Variants in CTDP1 observed in about 807,000 individuals in gnomAD.
CTDP1 encodes RNA polymerase II subunit A C-terminal domain phosphatase.
Under a neutral mutation model 91.8 loss-of-function variants are expected in CTDP1, and 47 were observed. That is an observed-to-expected ratio of 0.51 (90% CI 0.41 to 0.65). The LOEUF is 0.65. Ranked by LOEUF, CTDP1 falls within the 30% of genes least tolerant of loss-of-function variation. The probability of loss-of-function intolerance (pLI) is 0.00; values close to 1 mark genes in which losing one functional copy is unlikely to be tolerated. For missense variants in CTDP1, 1,272 were observed against 1,373.7 expected, an observed-to-expected ratio of 0.93 and a Z score of 1.17; for synonymous variants, 656 against 598.5, an observed-to-expected ratio of 1.10 and a Z score of -1.40.
Position 79,749,080 on chromosome 18 carries a change from C to T in CTDP1, c.2748-4572C>T, listed in dbSNP as rs995252059. The stretch of plus-strand genomic sequence containing the variant: ...TCAACAGCACTCTGGGTGTTTTTGT[C>T]GGCCTTGTGAGGGGAACATATTTCT... On this transcript the variant is annotated intron_variant, in intron 12 of 12. Transcript: ENST00000613122. Among the ~76,000 whole-genome samples, 4 of 152,330 alleles carry T rather than the reference C, an allele frequency of 2.6e-5. No individual in the cohort carries two copies. In the South Asian group the frequency reaches 6.2e-4, roughly 24 times the overall value.
At chr18:79,694,218 A>G (rs1305069727) in intron 1 of CTDP1, among the ~76,000 whole-genome samples, 1,598 of 123,116 alleles carry the variant, frequency 0.013, 43 homozygotes, top group African/African-American at 0.05. Flanking sequence ...TCTGCAGGGC[A>G]GGGTGGTCGG....
At chr18:79,727,360 CGTG>C (rs2086470734) in intron 10 of CTDP1, among the ~76,000 whole-genome samples, 3 of 152,170 alleles carry the variant, frequency 2.0e-5, no homozygotes, top group South Asian at 4.1e-4. Context: ...GGATGGGAAG[CGTG>C]GCGTTCACGG....
At position 79,680,169 on chromosome 18, in the gene CTDP1, G is replaced by A; in HGVS notation, c.222G>A (p.Val74=). 1 of 1,385,648 alleles carries A rather than the reference G, an allele frequency of 7.2e-7. No homozygotes were observed. The highest frequency in any genetic ancestry group is 9.3e-7 in the Non-Finnish European group (1 of 1,075,844). The allele number at this position is 1,385,648 out of a possible 1,614,324, so 85.8% of individuals were successfully genotyped here. Residue 74 remains valine (V), a synonymous_variant, in exon 1 of 13, where the codon GTG becomes GTA. Coordinates refer to ENST00000613122, the MANE Select transcript of CTDP1 (RefSeq NM_004715.5). ...SQSRVASGGC[V]RPARPERRLR... ...CCCGTGTAGCCTCCGGGGGCTGCGT[G>A]CGCCCCGCGCGGCCGGAACGCAGGC...
Position 79,713,383 on chromosome 18 carries a change from G to A in CTDP1, c.1030+245G>A, listed in dbSNP as rs963407811. Among the ~76,000 whole-genome samples the A allele has an allele frequency of 3.3e-5, 5 of 152,200 alleles. No homozygotes were observed. Among genetic ancestry groups the A allele is most frequent in the Admixed American group, 1.3e-4 (2 of 15,292 alleles). ...TTTCCCAGTTGAATAAAAACTAGAGGATGCTGTTTAACCTAACACATCCGA... is the reference window on the plus strand; with the variant it reads ...TTTCCCAGTTGAATAAAAACTAGAGAATGCTGTTTAACCTAACACATCCGA... On this transcript the variant is annotated intron_variant, in intron 7 of 12. Transcript: ENST00000613122. The surrounding 1 kb of genome is among the most constrained non-coding windows in gnomAD (Gnocchi z 4.7).
chr18:79,717,786 GC>G, intron 9 of CTDP1, 23 bp from the exon 10 acceptor site: 1 of 1,613,710 alleles, frequency 6.2e-7, no homozygotes, highest in African/African-American at 1.3e-5. Flanking sequence ...CCCGCTCATG[GC>G]CCTCGTTCTC....
At chr18:79,684,323 CAAAG>C (rs2085439356) in intron 1 of CTDP1, among the ~76,000 whole-genome samples, 2 of 152,208 alleles carry the variant, frequency 1.3e-5, no homozygotes, top group African/African-American at 4.8e-5. Flanking sequence ...GGAATTTTAA[CAAAG>C]AAAGAAGAAT....
At chr18:79,684,157 C>G (rs149069584) in intron 1 of CTDP1, among the ~76,000 whole-genome samples, 2 of 152,332 alleles carry the variant, frequency 1.3e-5, no homozygotes, top group Non-Finnish European at 2.9e-5. Flanking sequence ...GGCTGCTTGA[C>G]AGTAACTTGT....
chr18:79,750,210 T>A (rs1277729022), intron 12 of CTDP1, among the ~76,000 whole-genome samples: 1 of 151,828 alleles, frequency 6.6e-6, no homozygotes, highest in Non-Finnish European at 1.5e-5. Context: ...GACAGGGTCT[T>A]GCTCTGTCGC....
intron 1 of CTDP1, among the ~76,000 whole-genome samples, chr18:79,682,669 G>A (rs868128707): frequency 1.3e-5 from 2 of 152,210 alleles, no homozygotes; most frequent in Admixed American, 6.5e-5. Flanking sequence ...TTTATACAGA[G>A]CGCTGACTTT....
chr18:79,743,846 G>A (rs907235275), intron 12 of CTDP1, among the ~76,000 whole-genome samples: 1 of 152,202 alleles, frequency 6.6e-6, no homozygotes, highest in Middle Eastern at 3.2e-3. Context: ...GTGAAAGGAG[G>A]ATAAACCTTG....
intron 10 of CTDP1, among the ~76,000 whole-genome samples, chr18:79,727,841 C>T (rs1178271896): frequency 6.6e-6 from 1 of 152,116 alleles, no homozygotes; most frequent in Non-Finnish European, 1.5e-5. Flanking sequence ...GAAACAGCCG[C>T]CTCTCAGGAG....
chr18:79,742,837 A>T (rs943369077), intron 12 of CTDP1, among the ~76,000 whole-genome samples: 17 of 152,186 alleles, frequency 1.1e-4, no homozygotes, highest in African/African-American at 3.6e-4. Context: ...GCACGCCTGT[A>T]ATTTCAGCTA....
At chr18:79,701,819 G>A (rs1470925928) in intron 4 of CTDP1, among the ~76,000 whole-genome samples, 1 of 152,148 alleles carries the variant, frequency 6.6e-6, no homozygotes, top group Non-Finnish European at 1.5e-5. Context: ...CCAGGGCTTC[G>A]AGACCCCAGC....
At chr18:79,710,269 A>G (rs1568190311) in intron 5 of CTDP1, 77 bp from the exon 6 acceptor site, 3 of 1,162,636 alleles carry the variant, frequency 2.6e-6, no homozygotes, top group Non-Finnish European at 3.9e-6. Context: ...TAAAAAAAAC[A>G]TTCAAGGCTT....
chr18:79,701,558 TAAA>T (rs1308723054), intron 4 of CTDP1, among the ~76,000 whole-genome samples: 2 of 148,894 alleles, frequency 1.3e-5, no homozygotes, highest in African/African-American at 2.5e-5. Context: ...AATAAATAAA[TAAA>T]TAAATAAATA....
chr18:79,753,585 G>A, intron 12 of CTDP1, 67 bp from the exon 13 acceptor site: 1 of 1,612,900 alleles, frequency 6.2e-7, no homozygotes, highest in South Asian at 1.1e-5. Context: ...CCCAAATGCA[G>A]ACCAGGCGGT....
chr18:79,706,111 G>A (rs1039894134), intron 5 of CTDP1, among the ~76,000 whole-genome samples: 4 of 152,286 alleles, frequency 2.6e-5, no homozygotes, highest in East Asian at 1.9e-4. Flanking sequence ...CTCCATCCTC[G>A]TGAATGGAAT....
chr18:79,704,405 C>T (rs1352334424), intron 4 of CTDP1, among the ~76,000 whole-genome samples: 4 of 151,426 alleles, frequency 2.6e-5, no homozygotes, highest in South Asian at 4.2e-4. Flanking sequence ...CGTGGAGGGG[C>T]GTGTACACAC....
chr18:79,681,560 T>C (rs1396343632), intron 1 of CTDP1: 1 of 924,862 alleles, frequency 1.1e-6, no homozygotes, highest in Non-Finnish European at 1.3e-6. Context: ...TGAAATTCCA[T>C]GTTCAGTCAG....
Sources: gnomAD v4.1 joint callset for allele counts (sites outside exome capture counted in the v4.1 genomes callset) on GRCh38, gnomAD v4.1.1 for gene constraint, Gnocchi (gnomAD v3.1) non-coding constraint, MANE v1.5 for transcripts, NCBI Gene and HGNC (gene_info 2026-07-23, HGNC 2026-07-21) for gene names.